PDCD6IP: variants seen among roughly 807,000 people sequenced by gnomAD.
PDCD6IP encodes the protein programmed cell death 6 interacting protein.
In PDCD6IP, 43 loss-of-function variants were observed where a neutral mutation model predicts 103.7. The observed-to-expected ratio is 0.41, with a 90% confidence interval of 0.32 to 0.53. The LOEUF (loss-of-function observed/expected upper bound fraction) is 0.53, where lower values mean the gene tolerates loss of function less well. Ranked by LOEUF, PDCD6IP falls within the 20% of genes least tolerant of loss-of-function variation. The pLI is 0.16. For synonymous variants in PDCD6IP, 354 were observed against 378.7 expected (o/e 0.93, Z 0.76); for missense variants, 871 against 1,036.7 (o/e 0.84, Z 2.20).
chr3:33,800,240 C>T (rs750603829), intron 1 of PDCD6IP, among the ~76,000 whole-genome samples: 1 of 151,742 alleles, frequency 6.6e-6, no homozygotes, highest in Non-Finnish European at 1.5e-5. Context: ...ATGCTTCCCT[C>T]GAAAGCTTTG....
chr3:33,848,155 C>T (rs1660849199), intron 12 of PDCD6IP, among the ~76,000 whole-genome samples: 1 of 152,104 alleles, frequency 6.6e-6, no homozygotes, highest in Admixed American at 6.5e-5. Flanking sequence ...TTGACAATGA[C>T]TGGAATCTGT....
Position 33,865,238 on chromosome 3 carries a change from TA to T in PDCD6IP, c.2245-4del, listed in dbSNP as rs1253348217. 5.3e-6 allele frequency: 8 copies of T among 1,517,146 alleles called. No homozygotes were observed. The highest frequency in any genetic ancestry group is 7.0e-6 in the Non-Finnish European group (8 of 1,142,888). The allele number at this position is 1,517,146 out of a possible 1,614,324, so 94.0% of individuals were successfully genotyped here. ...TTTATAGTCAATGCTGACTTTTTCT[TA>T]TAGCCTACTAAGCCCCAGCCCCCAG... On this transcript the variant is annotated splice_region_variant and splice_polypyrimidine_tract_variant and intron_variant, in intron 16 of 17. Transcript: ENST00000307296.
intron 1 of PDCD6IP, 159 bp downstream of exon 1, chr3:33,799,096 C>T: frequency 1.4e-6 from 1 of 709,268 alleles, no homozygotes; most frequent in Non-Finnish European, 2.3e-6. Context: ...TGCTGGTGAG[C>T]AGGACCCGCC....
chr3:33,865,986 TGTATATCACAGTG>T (rs1286550396), intron 17 of PDCD6IP, among the ~76,000 whole-genome samples: 6 of 152,184 alleles, frequency 3.9e-5, no homozygotes, highest in Admixed American at 1.3e-4. Flanking sequence ...TGTAAATTTA[TGTATATCACAGTG>T]AATATTGAAT....
intron 7 of PDCD6IP, among the ~76,000 whole-genome samples, chr3:33,829,882 G>T (rs1375569736): frequency 6.6e-6 from 1 of 152,172 alleles, no homozygotes; most frequent in Non-Finnish European, 1.5e-5. Flanking sequence ...CCTTTGTGTT[G>T]TGTTACCTGT....
chr3:33,849,968 A>G (rs1559793618), intron 12 of PDCD6IP, among the ~76,000 whole-genome samples: 2 of 152,218 alleles, frequency 1.3e-5, no homozygotes, highest in Non-Finnish European at 2.9e-5. Context: ...GCATTTTTGA[A>G]TATCACAGAA....
chr3:33,813,007 CAGAG>C (rs560732860), intron 2 of PDCD6IP, among the ~76,000 whole-genome samples: 2 of 151,930 alleles, frequency 1.3e-5, no homozygotes, highest in Non-Finnish European at 2.9e-5. Context: ...ATTTCAGGAG[CAGAG>C]AGAGAGTTTT....
intron 14 of PDCD6IP, chr3:33,854,952 C>G (rs932591745): frequency 1.3e-5 from 4 of 300,968 alleles, no homozygotes; most frequent in Admixed American, 5.0e-5. Flanking sequence ...TGATAATGTT[C>G]TGTAAAAATG....
chr3:33,806,497 C>T (rs570113339), intron 1 of PDCD6IP, among the ~76,000 whole-genome samples: 3 of 152,212 alleles, frequency 2.0e-5, no homozygotes, highest in African/African-American at 7.2e-5. Flanking sequence ...TAAAAAAATT[C>T]GCTTATTTCT....
chr3:33,807,767 G>A (rs1489357013), intron 1 of PDCD6IP, among the ~76,000 whole-genome samples: 1 of 152,194 alleles, frequency 6.6e-6, no homozygotes, highest in Non-Finnish European at 1.5e-5. Context: ...AAAGGTACAG[G>A]GCAGGGCAGG....
Position 33,812,077 on chromosome 3 carries a change from A to T in PDCD6IP, c.215A>T (p.Tyr72Phe), listed in dbSNP as rs1696731644. The T allele has an allele frequency of 1.3e-6, 2 of 1,593,574 alleles. No individual in the cohort carries two copies. Among genetic ancestry groups the T allele is most frequent in the South Asian group, 2.3e-5 (2 of 87,008 alleles). Reference protein sequence around the residue: ...EGALETLLRYYDQICSIEPKF... With the variant: ...EGALETLLRYFDQICSIEPKF... Reference sequence around the variant, plus strand: ...AATTCTGCTCTATTTTTTAGATATTATGATCAGATTTGTTCTATTGAACCC... The same window carrying T: ...AATTCTGCTCTATTTTTTAGATATTTTGATCAGATTTGTTCTATTGAACCC... The change falls in exon 2 of 18, where the codon TAT becomes TTT. Residue 72 changes from tyrosine (Y) to phenylalanine (F), a missense_variant. By Grantham distance (22) the Tyr-to-Phe change is conservative. This residue lies in a region of PDCD6IP where 114 missense variants were observed against 106.7 expected (regional missense o/e 1.07). Coordinates refer to ENST00000307296, the MANE Select transcript of PDCD6IP (RefSeq NM_013374.6).
chr3:33,863,726 T>C (rs1698002659), intron 15 of PDCD6IP, among the ~76,000 whole-genome samples: 1 of 152,250 alleles, frequency 6.6e-6, no homozygotes, highest in Non-Finnish European at 1.5e-5. Flanking sequence ...AACATGGGAA[T>C]ACAGATATCT....
chr3:33,803,864 G>T (rs1696533637), intron 1 of PDCD6IP, among the ~76,000 whole-genome samples: 1 of 151,272 alleles, frequency 6.6e-6, no homozygotes, highest in South Asian at 2.1e-4. Flanking sequence ...CATCTTTTTG[G>T]TTTTTCTAAT....
Position 33,798,925 on chromosome 3 carries a change from A to G in PDCD6IP, c.197A>G (p.Glu66Gly). The change falls in exon 1 of 18, where the codon GAG becomes GGG. Residue 66 changes from glutamate (E) to glycine (G), a missense_variant. Physicochemically the swap from Glu to Gly is moderately conservative, Grantham distance 98 (BLOSUM62 -2). This residue lies in a region of PDCD6IP where 114 missense variants were observed against 106.7 expected (regional missense o/e 1.07). Transcript: ENST00000307296. ...RPLDKHEGALETLLRYYDQIC... is the reference protein window; with the variant it reads ...RPLDKHEGALGTLLRYYDQIC... ...CTGGACAAGCACGAGGGCGCGCTCG[A>G]GACGCTCCTGAGGTGGGCGCGGGGC... The G allele has an allele frequency of 6.5e-7, 1 of 1,539,470 alleles. No homozygotes were observed. The highest frequency in any genetic ancestry group is 8.8e-7 in the Non-Finnish European group (1 of 1,139,090).
At chr3:33,836,408 T>G (rs1044037474) in intron 8 of PDCD6IP, 142 bp downstream of exon 8, 1 of 603,916 alleles carries the variant, frequency 1.7e-6, no homozygotes, top group African/African-American at 1.9e-5. Context: ...TGAGAATAAA[T>G]ATTGTGCCAG....
At chr3:33,805,314 C>G (rs970146819) in intron 1 of PDCD6IP, among the ~76,000 whole-genome samples, 1 of 149,684 alleles carries the variant, frequency 6.7e-6, no homozygotes, top group Non-Finnish European at 1.5e-5. Flanking sequence ...GAGATCACAC[C>G]ACTGCACTGT....
At chr3:33,823,674 C>T (rs943254407) in intron 4 of PDCD6IP, among the ~76,000 whole-genome samples, 10 of 151,826 alleles carry the variant, frequency 6.6e-5, no homozygotes, top group Non-Finnish European at 1.0e-4. Flanking sequence ...CTGAGCTACT[C>T]GGGAGGCTGA....
intron 4 of PDCD6IP, among the ~76,000 whole-genome samples, chr3:33,822,669 AT>A (rs1232481982): frequency 2.0e-5 from 3 of 151,888 alleles, no homozygotes; most frequent in African/African-American, 4.8e-5. Context: ...TTATTTATTT[AT>A]TTTGAGACGG....
At chr3:33,833,279 C>T (rs1344626994) in intron 7 of PDCD6IP, among the ~76,000 whole-genome samples, 1 of 151,932 alleles carries the variant, frequency 6.6e-6, no homozygotes, top group Non-Finnish European at 1.5e-5. Context: ...TTAGTTTTCC[C>T]TGATTTTTTT....
Sources: allele counts gnomAD v4.1 joint callset (sites outside exome capture counted in the v4.1 genomes callset), GRCh38; gene constraint gnomAD v4.1.1; regional missense constraint gnomAD v4.1.1; transcripts MANE v1.5; gene names NCBI Gene and HGNC (gene_info 2026-07-23, HGNC 2026-07-21).